Variants in ASAP1 observed in about 807,000 individuals in gnomAD.
ASAP1 encodes the protein arf-GAP with SH3 domain, ANK repeat and PH domain-containing protein 1.
ASAP1 carries 43 observed loss-of-function variants against 145.2 expected under a neutral mutation model. The observed-to-expected ratio is 0.30, with a 90% CI of 0.23 to 0.38. ASAP1 has a LOEUF of 0.38. Ranked by LOEUF, ASAP1 falls within the 10% of genes least tolerant of loss-of-function variation. The probability of loss-of-function intolerance (pLI) is 1.00; values close to 1 mark genes in which losing one functional copy is unlikely to be tolerated. For synonymous variants in ASAP1, 546 were observed against 515.5 expected (o/e 1.06, Z -0.80); for missense variants, 1,018 against 1,355.3 (o/e 0.75, Z 3.91).
At chr8:130,072,701 A>G (rs2135222817) in intron 27 of ASAP1, among the ~76,000 whole-genome samples, 1 of 151,980 alleles carries the variant, frequency 6.6e-6, no homozygotes, top group East Asian at 1.9e-4. Flanking sequence ...GAGCTGCTAC[A>G]GCAAATTAAA....
At chr8:130,369,668 A>G (rs1370588001) in intron 2 of ASAP1, among the ~76,000 whole-genome samples, 1 of 152,220 alleles carries the variant, frequency 6.6e-6, no homozygotes, top group African/African-American at 2.4e-5. Context: ...AAACACAATG[A>G]AATGCCACTT....
In ASAP1 at chr8:130,142,690, T is replaced by C. The variant is rs73425387; in HGVS notation, c.1081-5652A>G. ...CTTGGAGGAGGGAATATGGACAAACTGGGAAGTGTGATAAGCAGGTCCAAA... is the reference window on the plus strand; with the variant it reads ...CTTGGAGGAGGGAATATGGACAAACCGGGAAGTGTGATAAGCAGGTCCAAA... On this transcript the variant is annotated intron_variant, in intron 13 of 29. Transcript: ENST00000518721. 6.4e-3 allele frequency among the ~76,000 whole-genome samples: 967 copies of C among 152,066 alleles called. 9 individuals carry two copies. Among genetic ancestry groups the C allele is most frequent in the African/African-American group, 0.023 (937 of 41,460 alleles).
intron 2 of ASAP1, among the ~76,000 whole-genome samples, chr8:130,359,918 C>T (rs1269549354): frequency 6.6e-6 from 1 of 152,246 alleles, no homozygotes; most frequent in Non-Finnish European, 1.5e-5. Context: ...CCACCGCGCC[C>T]GGCCCATCTT....
intron 13 of ASAP1, among the ~76,000 whole-genome samples, chr8:130,149,443 C>T (rs1408474036): frequency 6.6e-6 from 1 of 151,950 alleles, no homozygotes; most frequent in Non-Finnish European, 1.5e-5. Context: ...TTCAGGTGTA[C>T]ACAGAAATGT....
chr8:130,142,399 C>T (rs2097614085), intron 13 of ASAP1, among the ~76,000 whole-genome samples: 1 of 152,228 alleles, frequency 6.6e-6, no homozygotes, highest in African/African-American at 2.4e-5. Flanking sequence ...TCTGACTCTC[C>T]TCTAAGTACT....
At chr8:130,316,211 T>C (rs188804628) in intron 3 of ASAP1, among the ~76,000 whole-genome samples, 67 of 152,356 alleles carry the variant, frequency 4.4e-4, no homozygotes, top group Non-Finnish European at 1.6e-4. Flanking sequence ...ATGCCAACCA[T>C]CTTTCTCTAC....
chr8:130,165,534 G>A lies in ASAP1; in HGVS notation c.909+2002C>T, dbSNP rs188337692. ...GCATGCATGGCATATCTGTGCTTCAGTCTGAAGTCTACTGGGGGTCTAATA... is the reference window on the plus strand; with the variant it reads ...GCATGCATGGCATATCTGTGCTTCAATCTGAAGTCTACTGGGGGTCTAATA... On this transcript the variant is annotated intron_variant, in intron 11 of 29. Coordinates refer to ENST00000518721, the MANE Select transcript of ASAP1 (RefSeq NM_018482.4). Among the ~76,000 whole-genome samples the A allele has an allele frequency of 3.9e-4, 59 of 152,318 alleles. 2 individuals are homozygous for A. The East Asian group carries it at 0.01, about 26-fold the overall frequency.
intron 5 of ASAP1, among the ~76,000 whole-genome samples, chr8:130,191,283 C>A (rs1815122835): frequency 6.6e-6 from 1 of 152,154 alleles, no homozygotes; most frequent in South Asian, 2.1e-4. Flanking sequence ...CCCAAGTAAT[C>A]TTGGTAAAAT....
intron 25 of ASAP1, among the ~76,000 whole-genome samples, chr8:130,087,837 G>A (rs1249286971): frequency 2.0e-5 from 3 of 152,218 alleles, no homozygotes; most frequent in Non-Finnish European, 4.4e-5. Flanking sequence ...TGAATCTGGA[G>A]GAGGAAATCC....
intron 16 of ASAP1, among the ~76,000 whole-genome samples, chr8:130,126,361 A>T (rs2097574976): frequency 6.6e-6 from 1 of 152,190 alleles, no homozygotes; most frequent in Non-Finnish European, 1.5e-5. Flanking sequence ...TAGGCCTGTG[A>T]GAGATGTTCC....
intron 4 of ASAP1, among the ~76,000 whole-genome samples, chr8:130,232,233 A>G (rs534416065): frequency 1.1e-4 from 17 of 152,286 alleles, no homozygotes; most frequent in African/African-American, 4.1e-4. Context: ...ATTCAAGGGG[A>G]AAGGGGATTA....
At chr8:130,410,401 C>A (rs542745161) in intron 1 of ASAP1, among the ~76,000 whole-genome samples, 2 of 152,292 alleles carry the variant, frequency 1.3e-5, no homozygotes, top group African/African-American at 4.8e-5. Flanking sequence ...AAGAAGAGAA[C>A]AACGAAATAA....
chr8:130,091,824 T>C lies in ASAP1; in HGVS notation c.2572+149A>G, dbSNP rs16904202. 4,386 of 829,840 alleles carry C rather than the reference T, an allele frequency of 5.3e-3. 137 individuals are homozygous for C. The African/African-American group carries it at 0.066, about 13-fold the overall frequency. The allele number at this position is 829,840 out of a possible 1,614,324, so 51.4% of individuals were successfully genotyped here. On this transcript the variant is annotated intron_variant, in intron 25 of 29. Transcript: ENST00000518721. ...ATGTTCCTTTCCCTTAAGAGACAGG[T>C]AGAATCATGTCATATATACCCGAGT...
intron 5 of ASAP1, among the ~76,000 whole-genome samples, chr8:130,209,673 G>T (rs1000898945): frequency 9.9e-5 from 15 of 152,084 alleles, no homozygotes; most frequent in African/African-American, 3.6e-4. Flanking sequence ...GATGAAATAG[G>T]AAGTATGCAT....
intron 10 of ASAP1, among the ~76,000 whole-genome samples, chr8:130,168,248 T>C (rs771790330): frequency 1.4e-4 from 21 of 152,290 alleles, no homozygotes; most frequent in Admixed American, 2.0e-4. Context: ...CAAATGATTT[T>C]TGGGCAACAA....
intron 5 of ASAP1, among the ~76,000 whole-genome samples, chr8:130,199,326 G>T (rs931998786): frequency 2.6e-5 from 4 of 152,180 alleles, no homozygotes; most frequent in Non-Finnish European, 2.9e-5. Context: ...ATGGATGAAT[G>T]AATTCCTCTC....
intron 2 of ASAP1, among the ~76,000 whole-genome samples, chr8:130,392,437 TGATA>T (rs1828325673): frequency 6.6e-6 from 1 of 152,268 alleles, no homozygotes; most frequent in African/African-American, 2.4e-5. Context: ...TTAGACCACA[TGATA>T]AATAACTAAC....
chr8:130,256,370 A>C (rs1819514214), intron 3 of ASAP1, among the ~76,000 whole-genome samples: 1 of 142,040 alleles, frequency 7.0e-6, no homozygotes, highest in African/African-American at 2.7e-5. Flanking sequence ...TACCAAGCTT[A>C]CTTGAACGGG....
intron 3 of ASAP1, among the ~76,000 whole-genome samples, chr8:130,308,480 T>G (rs934851784): frequency 3.3e-5 from 5 of 152,236 alleles, no homozygotes; most frequent in Non-Finnish European, 7.3e-5. Flanking sequence ...TTAAAATAAT[T>G]GTAGTATCTT....
Sources: allele counts gnomAD v4.1 joint callset (sites outside exome capture counted in the v4.1 genomes callset), GRCh38; gene constraint gnomAD v4.1.1; transcripts MANE v1.5; gene names NCBI Gene and HGNC (gene_info 2026-07-23, HGNC 2026-07-21).